LYRM4: variants seen among roughly 807,000 people sequenced by gnomAD.
The protein encoded by LYRM4 is LYR motif containing 4, also known as LYR motif-containing protein 4.
Under a neutral mutation model 11.7 loss-of-function variants are expected in LYRM4, and 9 were observed. The ratio of observed to expected loss-of-function variants is 0.77; its 90% CI spans 0.46 to 1.34. The LOEUF (loss-of-function observed/expected upper bound fraction) is 1.34, where lower values mean the gene tolerates loss of function less well. Among genes scored for constraint, LYRM4 ranks in the 40% most tolerant of loss-of-function variants. LYRM4 has a pLI of 0.00. For missense variants in LYRM4, 133 were observed against 112.5 expected, an observed-to-expected ratio of 1.18 and a Z score of -0.82; for synonymous variants, 42 against 40.4, an observed-to-expected ratio of 1.04 and a Z score of -0.15.
chr6:5,071,906 A>C, the LYRM4 span, among the ~76,000 whole-genome samples: 1 of 151,970 alleles, frequency 6.6e-6, no homozygotes, highest in African/African-American at 2.4e-5. Context: ...CGGCCTCCCA[A>C]AGTGCTGGGA....
chr6:5,066,314 C>G, the LYRM4 span: 1 of 716,940 alleles, frequency 1.4e-6, no homozygotes, highest in Non-Finnish European at 2.6e-6. Flanking sequence ...ATATTTAGTT[C>G]TATTCGTCCA....
intron 2 of LYRM4, among the ~76,000 whole-genome samples, chr6:5,111,759 C>T (rs952626270): frequency 6.6e-6 from 1 of 152,234 alleles, no homozygotes; most frequent in African/African-American, 2.4e-5. Context: ...TGGGTGGGGG[C>T]AGGAGGAACA....
At chr6:5,200,410 C>T (rs1195052393) in intron 2 of LYRM4, among the ~76,000 whole-genome samples, 1 of 152,146 alleles carries the variant, frequency 6.6e-6, no homozygotes, top group East Asian at 1.9e-4. Context: ...CCCCAAAGAG[C>T]CTCCTCAGGA....
intron 2 of LYRM4, among the ~76,000 whole-genome samples, chr6:5,134,443 T>C (rs533345907): frequency 4.5e-4 from 68 of 152,348 alleles, no homozygotes; most frequent in African/African-American, 1.5e-3. Context: ...AGTTTGAAGA[T>C]TGGTGATATT....
the LYRM4 span, among the ~76,000 whole-genome samples, chr6:5,034,900 G>T: frequency 6.6e-6 from 1 of 151,766 alleles, no homozygotes; most frequent in Non-Finnish European, 1.5e-5. Flanking sequence ...ATGTGAAAAA[G>T]GTTAAACCTG....
chr6:5,146,203 G>A (rs765920942), intron 2 of LYRM4, among the ~76,000 whole-genome samples: 5 of 152,204 alleles, frequency 3.3e-5, no homozygotes, highest in East Asian at 1.9e-4. Context: ...CATGTTTCCC[G>A]TATTCAGTCC....
chr6:5,228,337 T>C (rs1425823248), intron 1 of LYRM4, among the ~76,000 whole-genome samples: 1 of 152,072 alleles, frequency 6.6e-6, no homozygotes, highest in African/African-American at 2.4e-5. Flanking sequence ...AGTGCAGTAA[T>C]GCGGTCTCGG....
chr6:5,145,299 G>A lies in LYRM4; in HGVS notation c.208-35808C>T, dbSNP rs145808065. Among the ~76,000 whole-genome samples, 810 of 152,274 alleles carry A rather than the reference G, an allele frequency of 5.3e-3. 8 individuals carry two copies. Among genetic ancestry groups the A allele is most frequent in the African/African-American group, 0.018 (766 of 41,540 alleles). On this transcript the variant is annotated intron_variant, in intron 2 of 2. Transcript: ENST00000330636. ...TGCAGTTTCGGTGAGTGGAGGAGCC[G>A]GCAGCATCTCCAGGCATTTCCATGT...
At chr6:5,240,923 T>C (rs993345705) in intron 1 of LYRM4, among the ~76,000 whole-genome samples, 1 of 152,048 alleles carries the variant, frequency 6.6e-6, no homozygotes, top group African/African-American at 2.4e-5. Context: ...CATCCAAAAA[T>C]GCAAAAGGAG....
intron 1 of LYRM4, among the ~76,000 whole-genome samples, chr6:5,260,122 C>A (rs1434846491): frequency 6.6e-6 from 1 of 152,168 alleles, no homozygotes; most frequent in East Asian, 1.9e-4. Context: ...TTTTCCGCTA[C>A]GCATTTCCAC....
At chr6:5,209,915 C>A (rs560092486) in intron 2 of LYRM4, among the ~76,000 whole-genome samples, 2 of 152,268 alleles carry the variant, frequency 1.3e-5, no homozygotes, top group East Asian at 3.9e-4. Flanking sequence ...TATTGTTCTT[C>A]AACTATTATT....
chr6:5,036,377 G>A, the LYRM4 span, among the ~76,000 whole-genome samples: 1 of 152,108 alleles, frequency 6.6e-6, no homozygotes, highest in African/African-American at 2.4e-5. Flanking sequence ...TCAGCAGGCT[G>A]CTGAGGCCTG....
At chr6:5,260,598 T>TGCCCCGGG in intron 1 of LYRM4, 50 bp downstream of exon 1, 39 of 1,105,524 alleles carry the variant, frequency 3.5e-5, no homozygotes, top group Non-Finnish European at 4.5e-5. Context: ...GCACCCCCGG[T>TGCCCCGGG]CCCCGGCCCC....
intron 2 of LYRM4, among the ~76,000 whole-genome samples, chr6:5,177,706 A>G (rs1229515335): frequency 2.0e-5 from 3 of 152,236 alleles, no homozygotes; most frequent in Admixed American, 2.0e-4. Context: ...CTAGAGTCAC[A>G]AGATGCTGTG....
At chr6:5,073,463 A>AT in the LYRM4 span, among the ~76,000 whole-genome samples, 1 of 148,826 alleles carries the variant, frequency 6.7e-6, no homozygotes. Flanking sequence ...GTGTATATAT[A>AT]TTTTTTTTCC....
chr6:5,260,595 C>G, intron 1 of LYRM4, 53 bp downstream of exon 1: 1 of 1,206,768 alleles, frequency 8.3e-7, no homozygotes, highest in Non-Finnish European at 1.2e-6. Context: ...CCCGCACCCC[C>G]GGTCCCCGGC....
intron 2 of LYRM4, among the ~76,000 whole-genome samples, chr6:5,130,319 C>A (rs1442057242): frequency 7.4e-6 from 1 of 135,822 alleles, no homozygotes; most frequent in African/African-American, 2.9e-5. Context: ...CTGGCTGTCA[C>A]TGCCTCCCAA....
At chr6:5,063,133 C>T in the LYRM4 span, among the ~76,000 whole-genome samples, 1 of 152,210 alleles carries the variant, frequency 6.6e-6, no homozygotes, top group African/African-American at 2.4e-5. Context: ...AATACAAAGT[C>T]TTCCTGAATA....
downstream of LYRM4, chr6:5,106,429 C>G (rs998529283): frequency 3.3e-5 from 5 of 152,290 alleles, no homozygotes; most frequent in African/African-American, 1.2e-4. Context: ...TCTTTGTAGG[C>G]TTCACCCTCT....
Sources: allele counts gnomAD v4.1 joint callset (sites outside exome capture counted in the v4.1 genomes callset), GRCh38; gene constraint gnomAD v4.1.1; transcripts MANE v1.5; gene names NCBI Gene and HGNC (gene_info 2026-07-23, HGNC 2026-07-21).